SNX24: variants seen among roughly 807,000 people sequenced by gnomAD.
The protein encoded by SNX24 is sorting nexin 24, also known as sorting nexin-24.
Under a neutral mutation model 28.7 loss-of-function variants are expected in SNX24, and 22 were observed. The observed-to-expected ratio is 0.77, with a 90% CI of 0.55 to 1.10. The LOEUF is 1.10. Ranked by LOEUF, SNX24 falls within the 50% of genes least tolerant of loss-of-function variation. SNX24 has a pLI of 0.00. For synonymous variants in SNX24, 69 were observed against 71.5 expected (o/e 0.96, Z 0.18); for missense variants, 221 against 201.1 (o/e 1.10, Z -0.60).
In SNX24 at chr5:123,004,959, C is replaced by G. The variant is rs189461317; in HGVS notation, c.443-2723C>G. ...CCTAAATCACCTTCCTTCTCATCAC[C>G]TCTCAATGAGAATCAAAGTCAAGGA... On this transcript the variant is annotated intron_variant, in intron 6 of 6. Transcript: ENST00000261369. Among the ~76,000 whole-genome samples, 19 of 152,336 alleles carry G rather than the reference C, an allele frequency of 1.2e-4. No individual in the cohort carries two copies. In the East Asian group the frequency reaches 3.7e-3, roughly 29 times the overall value.
downstream of SNX24, among the ~76,000 whole-genome samples, chr5:123,012,853 C>T (rs1871180): frequency 0.31 from 47,673 of 151,962 alleles, 8,136 homozygotes; most frequent in Admixed American, 0.37. Context: ...AGATTTGCAT[C>T]AGAATCACTT....
intron 1 of SNX24, among the ~76,000 whole-genome samples, chr5:122,880,673 T>C (rs373265736): frequency 6.6e-6 from 1 of 152,160 alleles, no homozygotes; most frequent in East Asian, 1.9e-4. Context: ...GTGGTCAAAA[T>C]AGAAGCCGAC....
At chr5:122,970,081 C>T (rs78583282) in intron 3 of SNX24, among the ~76,000 whole-genome samples, 1 of 151,474 alleles carries the variant, frequency 6.6e-6, no homozygotes, top group Non-Finnish European at 1.5e-5. Flanking sequence ...TCGCCGCTGC[C>T]GTTGTTGTTT....
intron 1 of SNX24, among the ~76,000 whole-genome samples, chr5:122,901,030 G>A (rs566965048): frequency 4.6e-5 from 7 of 151,874 alleles, no homozygotes; most frequent in Admixed American, 1.3e-4. Flanking sequence ...GTGAAACCCC[G>A]TCTCTATTAA....
At chr5:123,011,492 T>C (rs1483433284), downstream of SNX24, among the ~76,000 whole-genome samples, 1 of 149,104 alleles carries the variant, frequency 6.7e-6, no homozygotes, top group Non-Finnish European at 1.5e-5. Context: ...TAAGTTCCCA[T>C]TGAAAAGAAG....
chr5:123,000,145 G>A (rs997575600), intron 4 of SNX24, 139 bp downstream of exon 4: 20 of 642,618 alleles, frequency 3.1e-5, no homozygotes, highest in South Asian at 1.5e-4. Flanking sequence ...GCACTCGCTC[G>A]CCCCCTGCTT....
intron 1 of SNX24, among the ~76,000 whole-genome samples, chr5:122,934,206 C>G (rs1759087432): frequency 6.6e-6 from 1 of 152,010 alleles, no homozygotes; most frequent in Admixed American, 6.5e-5. Context: ...TCCTGGAGGC[C>G]GCCACCTCAC....
chr5:122,953,167 C>G lies in SNX24; in HGVS notation c.249+7008C>G, dbSNP rs537350756. On this transcript the variant is annotated intron_variant, in intron 3 of 6. Transcript: ENST00000261369. The stretch of plus-strand genomic sequence containing the variant: ...TCACCCAGGCTGGAGTGCAGTGGCA[C>G]AATCTCAGCTCACTGTAACCTCCAC... 5.9e-4 allele frequency among the ~76,000 whole-genome samples: 90 copies of G among 151,474 alleles called. 3 individuals are homozygous for G. Among genetic ancestry groups the G allele is most frequent in the Non-Finnish European group, 1.8e-4 (12 of 67,906 alleles).
At chr5:122,872,727 T>C (rs1397092095) in intron 1 of SNX24, among the ~76,000 whole-genome samples, 1 of 152,092 alleles carries the variant, frequency 6.6e-6, no homozygotes, top group African/African-American at 2.4e-5. Flanking sequence ...TTTTTTTCCC[T>C]TTTGTTTTCT....
downstream of SNX24, among the ~76,000 whole-genome samples, chr5:123,010,292 C>CT (rs111250838): frequency 0.012 from 1,716 of 146,204 alleles, 38 homozygotes; most frequent in Admixed American, 0.061. Flanking sequence ...GATGATGGAA[C>CT]TTTTTTTTTT....
At chr5:122,972,801 C>T (rs1413349194) in intron 3 of SNX24, among the ~76,000 whole-genome samples, 2 of 152,168 alleles carry the variant, frequency 1.3e-5, no homozygotes, top group East Asian at 3.9e-4. Context: ...GTATAATCAA[C>T]CTGCCACCAA....
intron 1 of SNX24, among the ~76,000 whole-genome samples, chr5:122,926,013 T>TTG (rs142461506): frequency 1.5e-4 from 23 of 151,294 alleles, no homozygotes; most frequent in South Asian, 2.1e-4. Context: ...GTGTGTATGT[T>TTG]TGTGTGTGTG....
chr5:122,930,383 C>T (rs1350149248), intron 1 of SNX24, among the ~76,000 whole-genome samples: 1 of 152,164 alleles, frequency 6.6e-6, no homozygotes, highest in Non-Finnish European at 1.5e-5. Flanking sequence ...ATTTAGATGA[C>T]TATTAAATAA....
intron 3 of SNX24, among the ~76,000 whole-genome samples, chr5:122,966,451 T>C (rs1468688156): frequency 6.6e-6 from 1 of 152,230 alleles, no homozygotes; most frequent in Non-Finnish European, 1.5e-5. Flanking sequence ...CACTCTGCCA[T>C]TGTAGTGCAA....
chr5:122,914,035 G>T (rs1011167684), intron 1 of SNX24, among the ~76,000 whole-genome samples: 8 of 152,192 alleles, frequency 5.3e-5, no homozygotes, highest in Non-Finnish European at 1.0e-4. Context: ...AGGCAGGGAG[G>T]TTGCAGTGAG....
intron 6 of SNX24, among the ~76,000 whole-genome samples, chr5:123,005,119 C>T (rs1004702036): frequency 6.6e-6 from 1 of 152,160 alleles, no homozygotes; most frequent in Admixed American, 6.5e-5. Flanking sequence ...TATTTCTGAT[C>T]GCTAGTTGGT....
chr5:122,933,561 A>G (rs1302078307), intron 1 of SNX24, among the ~76,000 whole-genome samples: 2 of 151,876 alleles, frequency 1.3e-5, no homozygotes, highest in Non-Finnish European at 2.9e-5. Flanking sequence ...CCTGTCTCTC[A>G]CTTTCCTTCA....
chr5:122,964,945 G>C (rs2150141856), intron 3 of SNX24, among the ~76,000 whole-genome samples: 1 of 152,192 alleles, frequency 6.6e-6, no homozygotes, highest in South Asian at 2.1e-4. Context: ...TTTTTAGGTT[G>C]TTTCTAGTTC....
At chr5:122,922,029 G>C (rs1054496483) in intron 1 of SNX24, among the ~76,000 whole-genome samples, 6 of 152,088 alleles carry the variant, frequency 3.9e-5, no homozygotes, top group South Asian at 4.1e-4. Flanking sequence ...TAGAAATGCT[G>C]ATTCTACATT....
Sources: gnomAD v4.1 joint callset for allele counts (sites outside exome capture counted in the v4.1 genomes callset) on GRCh38, gnomAD v4.1.1 for gene constraint, MANE v1.5 for transcripts, NCBI Gene and HGNC (gene_info 2026-07-23, HGNC 2026-07-21) for gene names.